The following SLC29A4 variants were observed in gnomAD, a reference collection of about 807,000 sequenced individuals.
The protein encoded by SLC29A4 is solute carrier family 29 member 4.
In SLC29A4, 36 loss-of-function variants were observed where a neutral mutation model predicts 43.9. The ratio of observed to expected loss-of-function variants is 0.82; its 90% CI spans 0.63 to 1.08. The LOEUF (loss-of-function observed/expected upper bound fraction) is 1.08, where lower values mean the gene tolerates loss of function less well. SLC29A4 is among the 50% of genes least tolerant of loss of function. SLC29A4 has a pLI of 0.00. For synonymous variants in SLC29A4, 491 were observed against 338.0 expected, an observed-to-expected ratio of 1.45 and a Z score of -4.97; for missense variants, 869 against 755.3, an observed-to-expected ratio of 1.15 and a Z score of -1.77.
rs371353804 is a variant in SLC29A4 at position 5,300,678 on chromosome 7, C to T, written c.1450+16C>T. The stretch of plus-strand genomic sequence containing the variant: ...GAGCTGGCAGGTGAGGCCCGCGGGA[C>T]GTGGGGGTGGGGGCGTCCTCCCAGC... On this transcript the variant is annotated intron_variant, in intron 10 of 10. Coordinates refer to ENST00000396872, the MANE Select transcript of SLC29A4 (RefSeq NM_153247.4). 34 of 1,602,744 alleles carry T rather than the reference C, an allele frequency of 2.1e-5. No individual in the cohort carries two copies. Among genetic ancestry groups the T allele is most frequent in the South Asian group, 6.6e-5 (6 of 90,718 alleles).
chr7:5,295,252 G>A (rs982652706), intron 6 of SLC29A4, among the ~76,000 whole-genome samples: 5 of 152,054 alleles, frequency 3.3e-5, no homozygotes, highest in African/African-American at 1.2e-4. Flanking sequence ...CTGCGTGTGC[G>A]CGTGTGTTAG....
intron 7 of SLC29A4, 137 bp downstream of exon 7, chr7:5,297,335 C>T (rs899443010): frequency 1.8e-5 from 18 of 1,024,786 alleles, no homozygotes; most frequent in Non-Finnish European, 2.2e-5. Flanking sequence ...AGACTCCTTC[C>T]TGCCAGCCTC....
At chr7:5,288,024 A>C (rs376425563) in intron 2 of SLC29A4, 39 bp downstream of exon 2, 91 of 1,573,602 alleles carry the variant, frequency 5.8e-5, no homozygotes, top group Non-Finnish European at 7.5e-5. Flanking sequence ...TCTTGCCCCA[A>C]AGCAGGCTGG....
chr7:5,299,126 G>A lies in SLC29A4; in HGVS notation c.1021G>A (p.Ala341Thr), dbSNP rs1362463582. ...RVQRSWPTFR[A>T]LLLHRYVVAR... ...CCAGCGCAGCTGGCCCACCTTCAGA[G>A]GTGAGTGCGGGGAGTCCTCTGCTGC... Residue 341 changes from alanine to threonine, a missense_variant and splice_region_variant, in exon 8 of 11, where the codon GCC (alanine) becomes ACC (threonine). Coordinates refer to ENST00000396872, the MANE Select transcript of SLC29A4 (RefSeq NM_153247.4). 1.2e-6 allele frequency: 2 copies of A among 1,609,740 alleles called. No homozygotes were observed.
intron 7 of SLC29A4, among the ~76,000 whole-genome samples, chr7:5,298,501 G>A (rs1348153349): frequency 1.3e-5 from 2 of 152,122 alleles, no homozygotes; most frequent in East Asian, 3.8e-4. Flanking sequence ...CATCAGAAGT[G>A]TGAGAGAGAG....
At position 5,291,761 on chromosome 7, in the gene SLC29A4, C is replaced by T; in HGVS notation, c.484C>T (p.Arg162Trp). 22 of 1,612,018 alleles carry T rather than the reference C, an allele frequency of 1.4e-5. No individual in the cohort carries two copies. The highest frequency in any genetic ancestry group is 3.3e-5 in the South Asian group (3 of 90,986). ...ICDVWLQLFSRDQAYAINLAA... is the reference protein window; with the variant it reads ...ICDVWLQLFSWDQAYAINLAA... ...CGACGTGTGGCTGCAGCTCTTCTCT[C>T]GGGACCAGGCCTACGCCATCAACCT... is the stretch of plus-strand genomic sequence containing the variant. The change falls in exon 5 of 11, where the codon CGG (arginine) becomes TGG (tryptophan). Residue 162 changes from arginine to tryptophan, a missense_variant. By Grantham distance (101) the Arg-to-Trp change is moderately radical. Coordinates refer to ENST00000396872, the MANE Select transcript of SLC29A4 (RefSeq NM_153247.4).
At chr7:5,298,070 G>T (rs1041894319) in intron 7 of SLC29A4, among the ~76,000 whole-genome samples, 1 of 152,180 alleles carries the variant, frequency 6.6e-6, no homozygotes, top group Non-Finnish European at 1.5e-5. Flanking sequence ...ATGCAGAGGC[G>T]GGGCGAGGGA....
In SLC29A4 at chr7:5,303,078, C is replaced by G; in HGVS notation, c.*139C>G. 1 of 995,058 alleles carries G rather than the reference C, an allele frequency of 1.0e-6. No homozygotes were observed. The highest frequency in any genetic ancestry group is 1.5e-6 in the Non-Finnish European group (1 of 686,900). 61.6% of individuals were successfully genotyped at this position (995,058 alleles called of 1,614,324 possible). A position where few individuals can be genotyped will look rare whatever the true frequency, so the allele number is the denominator to read the frequency against. On this transcript the variant is annotated 3_prime_UTR_variant, in exon 11 of 11. Transcript: ENST00000396872. Reference sequence around the variant, plus strand: ...GCCAGCAGCCCCACTCCCTCAGGGTCCAGCCATGCCCCACCCTGGACTGAA... The same window carrying G: ...GCCAGCAGCCCCACTCCCTCAGGGTGCAGCCATGCCCCACCCTGGACTGAA...
rs758042793 is a variant in SLC29A4 at position 5,294,916 on chromosome 7, G to C, written c.601G>C (p.Gly201Arg). 6.8e-6 allele frequency: 11 copies of C among 1,609,506 alleles called. No homozygotes were observed. The highest frequency in any genetic ancestry group is 3.3e-5 in the South Asian group (3 of 90,362). The change falls in exon 6 of 11, where the codon GGG becomes CGG. Residue 201 changes from glycine to arginine, a missense_variant. By Grantham distance (125) the Gly-to-Arg change is moderately radical. Transcript: ENST00000396872. ...TGMLPKRYTQ[G>R]VMTGESTAGV... is the part of the protein sequence containing the mutation. ...GATGCTGCCCAAGCGGTACACGCAG[G>C]GGGTGATGACCGGGGAGAGTGAGTA... is the stretch of plus-strand genomic sequence containing the variant.
Position 5,302,973 on chromosome 7 carries a change from C to A in SLC29A4, c.*34C>A. 2 of 1,590,844 alleles carry A rather than the reference C, an allele frequency of 1.3e-6. No individual in the cohort carries two copies. Among genetic ancestry groups the A allele is most frequent in the Middle Eastern group, 2.3e-4 (1 of 4,436 alleles). ...CGCCCACTGCCAGGGACGCCGAGGG[C>A]CTGACCAGGGGCCCCGAGGCCTGAG... On this transcript the variant is annotated 3_prime_UTR_variant, in exon 11 of 11. Transcript: ENST00000396872.
At chr7:5,285,809 C>G (rs1268434065) in intron 1 of SLC29A4, among the ~76,000 whole-genome samples, 1 of 151,986 alleles carries the variant, frequency 6.6e-6, no homozygotes, top group South Asian at 2.1e-4. Flanking sequence ...CCCAGGAGTT[C>G]AAGACCACTA....
At chr7:5,296,078 C>A (rs1785636318) in intron 6 of SLC29A4, among the ~76,000 whole-genome samples, 1 of 152,122 alleles carries the variant, frequency 6.6e-6, no homozygotes, top group Non-Finnish European at 1.5e-5. Context: ...GCTTCCAGCG[C>A]CTCAAACATG....
chr7:5,298,489 T>A (rs556902393), intron 7 of SLC29A4, among the ~76,000 whole-genome samples: 1 of 152,224 alleles, frequency 6.6e-6, no homozygotes. Context: ...TGGAATTTGC[T>A]GCATCAGAAG....
chr7:5,301,488 G>T (rs1786160338), intron 10 of SLC29A4, among the ~76,000 whole-genome samples: 1 of 152,148 alleles, frequency 6.6e-6, no homozygotes, highest in South Asian at 2.1e-4. Context: ...CAAGGGAAAG[G>T]CATCCAGGAA....
In SLC29A4 at chr7:5,306,892, A is replaced by G. The variant is rs1393427470; in HGVS notation, c.*3953A>G. The G allele has an allele frequency of 3.4e-5, 5 of 148,840 alleles. No individual in the cohort carries two copies. Among genetic ancestry groups the G allele is most frequent in the East Asian group, 1.9e-4 (1 of 5,172 alleles). 9.2% of individuals were successfully genotyped at this position (148,840 alleles called of 1,614,324 possible). ...AAAAGAAACATAAAAAAAAAAACCAATAATTCCCCCAAAAAACAAACCCAA... is the reference window on the plus strand; with the variant it reads ...AAAAGAAACATAAAAAAAAAAACCAGTAATTCCCCCAAAAAACAAACCCAA... On this transcript the variant is annotated 3_prime_UTR_variant, in exon 11 of 11. Transcript: ENST00000396872.
At chr7:5,290,682 G>T (rs535191916) in intron 2 of SLC29A4, 50 bp from the exon 3 acceptor site, 1 of 1,571,320 alleles carries the variant, frequency 6.4e-7, no homozygotes, top group Non-Finnish European at 8.7e-7. Flanking sequence ...TGCGGTGACT[G>T]TAGCCATGCG....
In SLC29A4 at chr7:5,304,161, C is replaced by G. The variant is rs1786364550; in HGVS notation, c.*1222C>G. On this transcript the variant is annotated 3_prime_UTR_variant, in exon 11 of 11. Coordinates refer to ENST00000396872, the MANE Select transcript of SLC29A4 (RefSeq NM_153247.4). Reference sequence around the variant, plus strand: ...TGCCCCGCATAAGCCGGTCCTCAGTCTTCCCATCTGTGAGGTGGGCCGGGT... The same window carrying G: ...TGCCCCGCATAAGCCGGTCCTCAGTGTTCCCATCTGTGAGGTGGGCCGGGT... The G allele has an allele frequency of 6.6e-6, 1 of 152,446 alleles. No homozygotes were observed. Among genetic ancestry groups the G allele is most frequent in the Non-Finnish European group, 1.5e-5 (1 of 68,188 alleles). The allele number at this position is 152,446 out of a possible 1,614,324, so 9.4% of individuals were successfully genotyped here. A position where few individuals can be genotyped will look rare whatever the true frequency, so the allele number is the denominator to read the frequency against.
At chr7:5,288,298 CTTTTTT>C (rs34436127) in intron 2 of SLC29A4, among the ~76,000 whole-genome samples, 5 of 68,756 alleles carry the variant, frequency 7.3e-5, no homozygotes, top group African/African-American at 2.4e-4. Context: ...CGTACAGCTT[CTTTTTT>C]TTTTTTTTTT....
At chr7:5,298,850 G>A (rs1785909866) in intron 7 of SLC29A4, 138 bp from the exon 8 acceptor site, 5 of 850,048 alleles carry the variant, frequency 5.9e-6, no homozygotes, top group East Asian at 2.7e-5. Context: ...GTGGAGGAGG[G>A]GTGTCTGCAC....
Sources: allele counts gnomAD v4.1 joint callset (sites outside exome capture counted in the v4.1 genomes callset), GRCh38; gene constraint gnomAD v4.1.1; transcripts MANE v1.5; gene names NCBI Gene and HGNC (gene_info 2026-07-23, HGNC 2026-07-21).